C1orf21: variants seen among roughly 807,000 people sequenced by gnomAD.
C1orf21 encodes the protein chromosome 1 open reading frame 21, also known as uncharacterized protein C1orf21.
Under a neutral mutation model 18.7 loss-of-function variants are expected in C1orf21, and 3 were observed. That is an observed-to-expected ratio of 0.16 (90% CI 0.07 to 0.42). The LOEUF (loss-of-function observed/expected upper bound fraction) is 0.42, where lower values mean the gene tolerates loss of function less well. Ranked by LOEUF, C1orf21 falls within the 10% of genes least tolerant of loss-of-function variation. The pLI, the probability that C1orf21 is intolerant of heterozygous loss-of-function variation, is 0.99. For missense variants in C1orf21, 104 were observed against 143.6 expected (o/e 0.72, Z 1.41); for synonymous variants, 41 against 46.4 (o/e 0.88, Z 0.47).
intron 1 of C1orf21, among the ~76,000 whole-genome samples, chr1:184,391,947 A>T (rs1206017624): frequency 2.0e-5 from 3 of 152,166 alleles, no homozygotes; most frequent in Non-Finnish European, 4.4e-5. Flanking sequence ...ACCTCAAGTG[A>T]TCTGCCCACC....
At chr1:184,585,041 G>T (rs1261955639) in intron 3 of C1orf21, among the ~76,000 whole-genome samples, 1 of 152,168 alleles carries the variant, frequency 6.6e-6, no homozygotes, top group Non-Finnish European at 1.5e-5. Flanking sequence ...TCATATAGTT[G>T]TAGTGGGGGA....
chr1:184,416,270 G>C (rs1656449775), intron 1 of C1orf21, among the ~76,000 whole-genome samples: 2 of 152,054 alleles, frequency 1.3e-5, no homozygotes, highest in Admixed American at 6.6e-5. Flanking sequence ...TTCCTTGAAG[G>C]AATCATGTAT....
chr1:184,556,220 G>T (rs1216772903), intron 3 of C1orf21, among the ~76,000 whole-genome samples: 1 of 152,092 alleles, frequency 6.6e-6, no homozygotes, highest in East Asian at 1.9e-4. Flanking sequence ...CTGTGGGGTG[G>T]GTCAGTAGCA....
At chr1:184,610,301 T>A (rs1659709714) in intron 5 of C1orf21, among the ~76,000 whole-genome samples, 1 of 152,240 alleles carries the variant, frequency 6.6e-6, no homozygotes. Flanking sequence ...GCTTTCAAGC[T>A]TACAATGGCA....
At chr1:184,395,772 A>G (rs898722790) in intron 1 of C1orf21, among the ~76,000 whole-genome samples, 2 of 152,084 alleles carry the variant, frequency 1.3e-5, no homozygotes, top group Non-Finnish European at 2.9e-5. Flanking sequence ...TTTACTCTCA[A>G]AAGGATCTCA....
At chr1:184,457,206 A>G (rs777672341) in intron 1 of C1orf21, among the ~76,000 whole-genome samples, 7 of 152,244 alleles carry the variant, frequency 4.6e-5, no homozygotes, top group Non-Finnish European at 8.8e-5. Context: ...TGTTGAGGAC[A>G]TAGAAGTGAC....
chr1:184,587,655 G>GTT (rs3034488), intron 3 of C1orf21, among the ~76,000 whole-genome samples: 16,845 of 127,896 alleles, frequency 0.13, 1,497 homozygotes, highest in East Asian at 0.18. Context: ...TTTTTGTATG[G>GTT]TTTTTTTTTT....
At chr1:184,391,796 C>T (rs751133633) in intron 1 of C1orf21, among the ~76,000 whole-genome samples, 3 of 152,060 alleles carry the variant, frequency 2.0e-5, no homozygotes, top group Non-Finnish European at 4.4e-5. Flanking sequence ...CAATCTCCAC[C>T]TCCTGGGTCC....
At chr1:184,528,963 G>A (rs953258815) in intron 3 of C1orf21, among the ~76,000 whole-genome samples, 13 of 151,998 alleles carry the variant, frequency 8.6e-5, no homozygotes, top group Admixed American at 2.0e-4. Context: ...AATATGAATC[G>A]TTTTATTGTT....
At chr1:184,460,651 T>TCTC (rs1419801634) in intron 1 of C1orf21, among the ~76,000 whole-genome samples, 2 of 148,060 alleles carry the variant, frequency 1.4e-5, no homozygotes, top group African/African-American at 5.0e-5. Context: ...TTCTTCTTCT[T>TCTC]CTTCTTCTTC....
intron 2 of C1orf21, among the ~76,000 whole-genome samples, chr1:184,479,000 G>C (rs1428376426): frequency 6.6e-6 from 1 of 152,134 alleles, no homozygotes; most frequent in Non-Finnish European, 1.5e-5. Flanking sequence ...TTAGTCTCCT[G>C]GTGAAGAATT....
chr1:184,483,751 T>G (rs949710191), intron 2 of C1orf21, among the ~76,000 whole-genome samples: 9 of 152,208 alleles, frequency 5.9e-5, no homozygotes, highest in Non-Finnish European at 1.2e-4. Context: ...CTTCATTTTT[T>G]GGCACCACTA....
At chr1:184,617,736 G>A (rs1162312352) in intron 5 of C1orf21, among the ~76,000 whole-genome samples, 1 of 152,104 alleles carries the variant, frequency 6.6e-6, no homozygotes, top group Non-Finnish European at 1.5e-5. Flanking sequence ...CTCTGCAAGC[G>A]GTAGGGGTGG....
chr1:184,572,262 A>G (rs1659122843), intron 3 of C1orf21, among the ~76,000 whole-genome samples: 1 of 152,242 alleles, frequency 6.6e-6, no homozygotes, highest in Non-Finnish European at 1.5e-5. Flanking sequence ...CATGTAAGGA[A>G]CAAATTAAGC....
At chr1:184,517,551 A>AAACTGGTATT (rs5779220) in intron 3 of C1orf21, among the ~76,000 whole-genome samples, 1 of 151,798 alleles carries the variant, frequency 6.6e-6, no homozygotes, top group Admixed American at 6.6e-5. Flanking sequence ...AACAAGAGTG[A>AAACTGGTATT]AATAGGCAAA....
rs6669504 is a variant in C1orf21, at chr1:184,511,292, A to G, written c.189+3610A>G. On this transcript the variant is annotated intron_variant, in intron 3 of 5. Coordinates refer to ENST00000235307, the MANE Select transcript of C1orf21 (RefSeq NM_030806.4). ...TCACCTGTTACTACTAGATTCTTAG[A>G]CAGTCAGATTATCTGGGAGACAAAA... Among the ~76,000 whole-genome samples, 403 of 152,308 alleles carry G rather than the reference A, an allele frequency of 2.6e-3. 1 individual carries two copies. Among genetic ancestry groups the G allele is most frequent in the African/African-American group, 9.2e-3 (384 of 41,562 alleles).
chr1:184,589,715 T>C (rs1659410833), intron 3 of C1orf21, among the ~76,000 whole-genome samples: 2 of 152,182 alleles, frequency 1.3e-5, no homozygotes, highest in Admixed American at 6.5e-5. Flanking sequence ...GCACATAAGC[T>C]CATGTTTGAT....
chr1:184,484,884 C>CTGTG (rs3034460), intron 2 of C1orf21, among the ~76,000 whole-genome samples: 7,645 of 146,032 alleles, frequency 0.052, 347 homozygotes, highest in African/African-American at 0.13. Flanking sequence ...ATGCTTGTGG[C>CTGTG]TGTGTGTGTG....
At chr1:184,550,538 G>C (rs1571410668) in intron 3 of C1orf21, among the ~76,000 whole-genome samples, 1 of 152,148 alleles carries the variant, frequency 6.6e-6, no homozygotes, top group Admixed American at 6.5e-5. Context: ...TTGTTTGTTT[G>C]TTTGTTTGTT....
Sources: allele counts gnomAD v4.1 joint callset (sites outside exome capture counted in the v4.1 genomes callset), GRCh38; gene constraint gnomAD v4.1.1; transcripts MANE v1.5; gene names NCBI Gene and HGNC (gene_info 2026-07-23, HGNC 2026-07-21).